Variants in NXPE4 observed in about 807,000 individuals in gnomAD.
The protein encoded by NXPE4 is neurexophilin and PC-esterase domain family member 4.
NXPE4 carries 42 observed loss-of-function variants against 33.3 expected under a neutral mutation model. The ratio of observed to expected loss-of-function variants is 1.26; its 90% CI spans 0.98 to 1.63. The LOEUF (loss-of-function observed/expected upper bound fraction) is 1.63. Ranked by LOEUF, NXPE4 falls within the 40% of genes most tolerant of loss-of-function variation. The pLI, the probability that NXPE4 is intolerant of heterozygous loss-of-function variation, is 0.00. For missense variants in NXPE4, 709 were observed against 647.6 expected, an observed-to-expected ratio of 1.09 and a Z score of -1.03; for synonymous variants, 253 against 234.9, an observed-to-expected ratio of 1.08 and a Z score of -0.71.
the NXPE4 span, among the ~76,000 whole-genome samples, chr11:114,607,395 G>A: frequency 1.3e-5 from 2 of 151,968 alleles, no homozygotes; most frequent in Non-Finnish European, 2.9e-5. Context: ...TGCCTCTTGG[G>A]TAACCACTGT....
chr11:114,663,852 C>T, the NXPE4 span, among the ~76,000 whole-genome samples: 1 of 152,012 alleles, frequency 6.6e-6, no homozygotes, highest in Non-Finnish European at 1.5e-5. Context: ...TAAAAAGATG[C>T]TCAGCATAAT....
chr11:114,633,461 T>C, the NXPE4 span, among the ~76,000 whole-genome samples: 4 of 148,070 alleles, frequency 2.7e-5, no homozygotes, highest in South Asian at 6.3e-4. Flanking sequence ...TTTTTCTTTT[T>C]TTTATTTTAG....
the NXPE4 span, among the ~76,000 whole-genome samples, chr11:114,651,536 A>G: frequency 1.3e-5 from 2 of 152,206 alleles, no homozygotes; most frequent in African/African-American, 4.8e-5. Flanking sequence ...AGAATCCGAA[A>G]AGATTGCCAC....
At chr11:114,615,396 G>C in the NXPE4 span, among the ~76,000 whole-genome samples, 3 of 151,486 alleles carry the variant, frequency 2.0e-5, no homozygotes, top group Non-Finnish European at 4.4e-5. Context: ...GTATTGCCTC[G>C]GTAACCACAG....
At chr11:114,580,047 G>T (rs1223148237) in intron 5 of NXPE4, 85 bp downstream of exon 5, 73 of 1,164,804 alleles carry the variant, frequency 6.3e-5, no homozygotes, top group East Asian at 7.1e-5. Flanking sequence ...AAAAAAAGAG[G>T]AATTTCCCAT....
At chr11:114,589,821 C>T (rs191388265) in intron 2 of NXPE4, among the ~76,000 whole-genome samples, 17 of 152,260 alleles carry the variant, frequency 1.1e-4, no homozygotes, top group Non-Finnish European at 1.9e-4. Flanking sequence ...AACCCTGTAA[C>T]AGTCCCTACA....
chr11:114,639,207 A>G, the NXPE4 span, among the ~76,000 whole-genome samples: 222 of 151,860 alleles, frequency 1.5e-3, 3 homozygotes, highest in Non-Finnish European at 2.1e-3. Context: ...GCCGCCTTTC[A>G]GTTTGATCTC....
the NXPE4 span, among the ~76,000 whole-genome samples, chr11:114,602,609 AATT>A: frequency 1.2e-4 from 17 of 141,078 alleles, 1 homozygote; most frequent in South Asian, 4.6e-4. Flanking sequence ...CATATATAAT[AATT>A]ATCTCATATA....
chr11:114,664,308 C>T, the NXPE4 span, among the ~76,000 whole-genome samples: 7 of 151,982 alleles, frequency 4.6e-5, no homozygotes, highest in African/African-American at 1.7e-4. Context: ...TGGCAGAAAA[C>T]AAATTAAGGG....
chr11:114,644,703 A>C, the NXPE4 span, among the ~76,000 whole-genome samples: 2 of 152,102 alleles, frequency 1.3e-5, no homozygotes, highest in African/African-American at 2.4e-5. Flanking sequence ...ATTCCCCCTC[A>C]AATTTTATCA....
the NXPE4 span, among the ~76,000 whole-genome samples, chr11:114,607,615 T>C: frequency 5.3e-5 from 8 of 151,614 alleles, no homozygotes; most frequent in Admixed American, 4.6e-4. Flanking sequence ...GTAACCAGTG[T>C]TACCCGGTGG....
chr11:114,603,243 G>A, the NXPE4 span, among the ~76,000 whole-genome samples: 1 of 150,344 alleles, frequency 6.7e-6, no homozygotes, highest in South Asian at 2.1e-4. Flanking sequence ...GTATTGCCTC[G>A]TCTCCTAGGT....
the NXPE4 span, among the ~76,000 whole-genome samples, chr11:114,666,634 C>G: frequency 1.3e-4 from 20 of 151,920 alleles, no homozygotes; most frequent in East Asian, 3.7e-3. Context: ...TCATATAAGC[C>G]CTTAGTACTT....
the NXPE4 span, among the ~76,000 whole-genome samples, chr11:114,633,991 C>T: frequency 0.18 from 27,276 of 151,782 alleles, 2,917 homozygotes; most frequent in Non-Finnish European, 0.22. Flanking sequence ...AATGGGATGG[C>T]TGGGTCAAAT....
the NXPE4 span, among the ~76,000 whole-genome samples, chr11:114,643,996 T>C: frequency 6.6e-6 from 1 of 152,184 alleles, no homozygotes; most frequent in Non-Finnish European, 1.5e-5. Flanking sequence ...TTAAGTTGTA[T>C]TGCTAGGCAT....
At chr11:114,672,205 G>C in the NXPE4 span, among the ~76,000 whole-genome samples, 38 of 151,870 alleles carry the variant, frequency 2.5e-4, no homozygotes, top group African/African-American at 7.5e-4. Context: ...AATTCAACAG[G>C]AGATTTGGGT....
At chr11:114,651,193 T>A in the NXPE4 span, among the ~76,000 whole-genome samples, 1 of 152,112 alleles carries the variant, frequency 6.6e-6, no homozygotes. Context: ...CCCTCGCGGT[T>A]GAGTGTTACA....
intron 5 of NXPE4, 118 bp from the exon 6 acceptor site, chr11:114,571,591 A>T: frequency 5.1e-6 from 5 of 984,730 alleles, no homozygotes; most frequent in Non-Finnish European, 7.5e-6. Flanking sequence ...TGTCTAATTT[A>T]TTATAGGTTT....
At chr11:114,641,413 T>A in the NXPE4 span, among the ~76,000 whole-genome samples, 1 of 152,042 alleles carries the variant, frequency 6.6e-6, no homozygotes, top group African/African-American at 2.4e-5. Flanking sequence ...TTCAAATTCA[T>A]CATTTAAATG....
Sources: gnomAD v4.1 joint callset for allele counts (sites outside exome capture counted in the v4.1 genomes callset) on GRCh38, gnomAD v4.1.1 for gene constraint, MANE v1.5 for transcripts, NCBI Gene and HGNC (gene_info 2026-07-23, HGNC 2026-07-21) for gene names.